Variants in MIA2 observed in about 807,000 individuals in gnomAD.
MIA2 encodes the protein melanoma inhibitory activity protein 2.
Under a neutral mutation model 167.8 loss-of-function variants are expected in MIA2, and 127 were observed. That is an observed-to-expected ratio of 0.76 (90% CI 0.66 to 0.88). The LOEUF (loss-of-function observed/expected upper bound fraction) is 0.88. Ranked by LOEUF, MIA2 falls within the 40% of genes least tolerant of loss-of-function variation. MIA2 has a pLI of 0.00. For synonymous variants in MIA2, 552 were observed against 541.9 expected (o/e 1.02, Z -0.26); for missense variants, 1,690 against 1,624.7 (o/e 1.04, Z -0.69).
At chr14:39,268,689 A>G (rs2056514072) in intron 6 of MIA2, among the ~76,000 whole-genome samples, 2 of 152,218 alleles carry the variant, frequency 1.3e-5, no homozygotes, top group Admixed American at 1.3e-4. Flanking sequence ...TCTTGATAGT[A>G]GCATGTAGAT....
intron 24 of MIA2, among the ~76,000 whole-genome samples, chr14:39,324,425 G>T (rs1178812853): frequency 6.6e-6 from 1 of 152,190 alleles, no homozygotes; most frequent in African/African-American, 2.4e-5. Flanking sequence ...ACCTCCTGAT[G>T]TAAAAGCCAG....
At chr14:39,301,029 T>G (rs2062388077) in intron 14 of MIA2, among the ~76,000 whole-genome samples, 2 of 83,938 alleles carry the variant, frequency 2.4e-5, no homozygotes, top group South Asian at 8.6e-4. Context: ...CACACATATA[T>G]ACATATACAT....
At position 39,245,081 on chromosome 14, in the gene MIA2, C is replaced by T. The variant is rs540771950; in HGVS notation, c.337-1830C>T. Among the ~76,000 whole-genome samples the T allele has an allele frequency of 2.1e-3, 246 of 119,712 alleles. 2 individuals are homozygous for T. Among genetic ancestry groups the T allele is most frequent in the African/African-American group, 6.9e-3 (210 of 30,540 alleles). 78.5% of individuals were successfully genotyped at this position (119,712 alleles called of 152,430 possible). A position where few individuals can be genotyped will look rare whatever the true frequency, so the allele number is the denominator to read the frequency against. On this transcript the variant is annotated intron_variant, in intron 3 of 28. Transcript: ENST00000640607. The stretch of plus-strand genomic sequence containing the variant: ...GCATGGGCCGCCGCACCTAGCTAAC[C>T]TTTTTTTTTTTTAAAGACAGGATCT...
intron 1 of MIA2, among the ~76,000 whole-genome samples, chr14:39,235,783 A>AT (rs577173729): frequency 2.6e-5 from 4 of 152,234 alleles, no homozygotes; most frequent in East Asian, 1.9e-4. Context: ...GCCTCAAAAA[A>AT]ATATATATAA....
intron 21 of MIA2, among the ~76,000 whole-genome samples, chr14:39,317,610 C>A (rs961121462): frequency 2.6e-5 from 4 of 152,098 alleles, no homozygotes; most frequent in African/African-American, 9.7e-5. Flanking sequence ...TTATTAAAAT[C>A]TCTTGTGTCC....
intron 26 of MIA2, among the ~76,000 whole-genome samples, chr14:39,347,306 T>C (rs1173252355): frequency 6.6e-6 from 1 of 152,140 alleles, no homozygotes; most frequent in Non-Finnish European, 1.5e-5. Context: ...TTCGGAACAG[T>C]AGCTAAATTT....
At chr14:39,284,292 A>C (rs1230667901) in intron 9 of MIA2, among the ~76,000 whole-genome samples, 3 of 152,132 alleles carry the variant, frequency 2.0e-5, no homozygotes, top group Admixed American at 6.5e-5. Flanking sequence ...TTTTCTCACT[A>C]CCATTTATTG....
chr14:39,309,805 G>C (rs956498430), intron 18 of MIA2, among the ~76,000 whole-genome samples: 2 of 152,158 alleles, frequency 1.3e-5, no homozygotes, highest in Non-Finnish European at 2.9e-5. Context: ...TTGAATATAT[G>C]TACAAATATG....
chr14:39,373,859 A>G (rs2074997279), intron 23 of MIA2, among the ~76,000 whole-genome samples: 1 of 151,940 alleles, frequency 6.6e-6, no homozygotes, highest in Admixed American at 6.6e-5. Context: ...GAAAACAGTC[A>G]TAAGAAAAAA....
chr14:39,301,324 C>T (rs777347107), intron 14 of MIA2, among the ~76,000 whole-genome samples: 1 of 152,182 alleles, frequency 6.6e-6, no homozygotes, highest in Non-Finnish European at 1.5e-5. Context: ...CTTAGCCTCC[C>T]AAAGTTTTGG....
At position 39,293,297 on chromosome 14, in the gene MIA2, C is replaced by G; in HGVS notation, c.2235C>G (p.Ser745=). 6.2e-7 allele frequency: 1 copy of G among 1,612,018 alleles called. No homozygotes were observed. The highest frequency in any genetic ancestry group is 8.5e-7 in the Non-Finnish European group (1 of 1,178,932). Residue 745 remains serine, a synonymous_variant, in exon 11 of 29, where the codon TCC becomes TCG. Transcript: ENST00000640607. ...CAACCTGTGAAAAGCTGAACAGGTC[C>G]AATTCTGAACTTGAGGATGAAATAC... ...LEATCEKLNR[S]NSELEDEILC...
chr14:39,274,399 C>T (rs1260414413), intron 6 of MIA2, among the ~76,000 whole-genome samples: 1 of 151,066 alleles, frequency 6.6e-6, no homozygotes, highest in East Asian at 1.9e-4. Context: ...GAGATGAATC[C>T]TTTAGAACTC....
intron 3 of MIA2, among the ~76,000 whole-genome samples, chr14:39,246,074 T>C (rs1459715669): frequency 2.0e-5 from 2 of 97,690 alleles, no homozygotes; most frequent in Non-Finnish European, 4.2e-5. Flanking sequence ...TCAATTATTT[T>C]TAAAAATTTT....
intron 18 of MIA2, among the ~76,000 whole-genome samples, chr14:39,311,163 A>G (rs932476235): frequency 1.3e-5 from 2 of 152,152 alleles, no homozygotes; most frequent in African/African-American, 4.8e-5. Flanking sequence ...TGTTCACAGG[A>G]TTTCATTCAT....
At chr14:39,281,619 GT>G (rs549847071) in intron 9 of MIA2, among the ~76,000 whole-genome samples, 20,870 of 133,060 alleles carry the variant, frequency 0.16, 2,458 homozygotes, top group African/African-American at 0.39. Flanking sequence ...TTTTGTTTTG[GT>G]TTTTTTTTTT....
chr14:39,387,234 G>A, exon 24 of MIA2: 1 of 371,648 alleles, frequency 2.7e-6, no homozygotes, highest in East Asian at 4.9e-5. Flanking sequence ...ACCTCAAAAG[G>A]ATTCACCCTT....
intron 6 of MIA2, among the ~76,000 whole-genome samples, chr14:39,269,702 G>GAGACATAAAACA: frequency 6.6e-6 from 1 of 151,822 alleles, no homozygotes; most frequent in Admixed American, 6.6e-5. Flanking sequence ...TGTATTTTTT[G>GAGACATAAAACA]TAGAGACAGG....
intron 13 of MIA2, among the ~76,000 whole-genome samples, chr14:39,297,051 A>G (rs539282642): frequency 6.6e-6 from 1 of 151,976 alleles, no homozygotes; most frequent in South Asian, 2.1e-4. Context: ...TGCTGAGATT[A>G]CAAGCGCGAG....
Position 39,302,160 on chromosome 14 carries a change from AT to A in MIA2, c.2653del (p.Trp885GlyfsTer9). The A allele has an allele frequency of 1.2e-6, 2 of 1,613,732 alleles. No homozygotes were observed. Among genetic ancestry groups the A allele is most frequent in the Non-Finnish European group, 1.7e-6 (2 of 1,179,750 alleles). On this transcript the variant is annotated frameshift_variant, in exon 15 of 29. Coordinates refer to ENST00000640607, the MANE Select transcript of MIA2 (RefSeq NM_001329214.4). LOFTEE classifies it high-confidence loss of function. Reference protein sequence around the residue: ...TLTERLLKMKDWAAMLGEDIT... With the variant: ...TLTERLLKMKXWAAMLGEDIT... Reference sequence around the variant, plus strand: ...ACTGAACGCTTGTTAAAGATGAAAGATTGGGCTGCTATGCTTGGAGAAGACA... The same window carrying A: ...ACTGAACGCTTGTTAAAGATGAAAGATGGGCTGCTATGCTTGGAGAAGACA...
Sources: gnomAD v4.1 joint callset for allele counts (sites outside exome capture counted in the v4.1 genomes callset) on GRCh38, gnomAD v4.1.1 for gene constraint, MANE v1.5 for transcripts, NCBI Gene and HGNC (gene_info 2026-07-23, HGNC 2026-07-21) for gene names.